TNFRSF21: variants seen among roughly 807,000 people sequenced by gnomAD.
TNFRSF21 encodes tumor necrosis factor receptor superfamily member 21.
Under a neutral mutation model 45.6 loss-of-function variants are expected in TNFRSF21, and 19 were observed. The observed-to-expected ratio is 0.42, with a 90% CI of 0.29 to 0.61. TNFRSF21 has a LOEUF of 0.61. TNFRSF21 is among the 20% of genes least tolerant of loss of function. The pLI is 0.23. For missense variants in TNFRSF21, 737 were observed against 851.5 expected, an observed-to-expected ratio of 0.87 and a Z score of 1.67; for synonymous variants, 314 against 335.5, an observed-to-expected ratio of 0.94 and a Z score of 0.70.
intron 3 of TNFRSF21, among the ~76,000 whole-genome samples, chr6:47,274,668 C>T (rs1762471439): frequency 1.3e-5 from 2 of 152,112 alleles, no homozygotes; most frequent in Non-Finnish European, 2.9e-5. Context: ...AGCTTCTGCA[C>T]AGCAAAAGAA....
intron 3 of TNFRSF21, among the ~76,000 whole-genome samples, chr6:47,281,073 G>A (rs1762560535): frequency 6.6e-6 from 1 of 152,048 alleles, no homozygotes; most frequent in Non-Finnish European, 1.5e-5. Context: ...AGAAAAAAAA[G>A]TATATTATCT....
chr6:47,280,680 G>GT (rs1354996245), intron 3 of TNFRSF21, among the ~76,000 whole-genome samples: 1 of 152,178 alleles, frequency 6.6e-6, no homozygotes, highest in Non-Finnish European at 1.5e-5. Context: ...ATAGGATATT[G>GT]TTTTAAGGAC....
At chr6:47,236,793 A>ATT (rs1764670144) in intron 4 of TNFRSF21, among the ~76,000 whole-genome samples, 1 of 152,218 alleles carries the variant, frequency 6.6e-6, no homozygotes, top group Non-Finnish European at 1.5e-5. Flanking sequence ...TAATTCACTC[A>ATT]GTTAGACTAA....
intron 1 of TNFRSF21, among the ~76,000 whole-genome samples, chr6:47,290,444 T>G (rs1002179922): frequency 6.6e-6 from 1 of 152,176 alleles, no homozygotes; most frequent in Non-Finnish European, 1.5e-5. Context: ...CTTTCTATAC[T>G]TCCCCCGAAA....
At chr6:47,293,106 T>A (rs1282934833) in intron 1 of TNFRSF21, among the ~76,000 whole-genome samples, 3 of 152,220 alleles carry the variant, frequency 2.0e-5, no homozygotes, top group Non-Finnish European at 4.4e-5. Context: ...GAACTCTTCA[T>A]CATATTTCCT....
chr6:47,269,437 C>G (rs577225732), intron 3 of TNFRSF21, among the ~76,000 whole-genome samples: 1 of 152,288 alleles, frequency 6.6e-6, no homozygotes, highest in East Asian at 1.9e-4. Flanking sequence ...AGCTGAATAA[C>G]AAGTCTTTGT....
Position 47,267,922 on chromosome 6 carries a change from T to C in TNFRSF21, c.1244-14401A>G, listed in dbSNP as rs139952392. Among the ~76,000 whole-genome samples, 886 of 152,318 alleles carry C rather than the reference T, an allele frequency of 5.8e-3. 5 individuals are homozygous for C. Among genetic ancestry groups the C allele is most frequent in the Non-Finnish European group, 7.8e-3 (532 of 68,026 alleles). ...TGAATATAAATATCTTGAATATGTC[T>C]CTCCATCAACCCCCACTCCTCATCA... On this transcript the variant is annotated intron_variant, in intron 3 of 5. Coordinates refer to ENST00000296861, the MANE Select transcript of TNFRSF21 (RefSeq NM_014452.5).
At chr6:47,259,328 A>C (rs1180334762) in intron 3 of TNFRSF21, among the ~76,000 whole-genome samples, 1 of 151,770 alleles carries the variant, frequency 6.6e-6, no homozygotes, top group Admixed American at 6.6e-5. Context: ...CACAACCCTC[A>C]ACCCACTGAA....
At chr6:47,290,221 C>T (rs1362942927) in intron 1 of TNFRSF21, among the ~76,000 whole-genome samples, 1 of 152,114 alleles carries the variant, frequency 6.6e-6, no homozygotes, top group African/African-American at 2.4e-5. Context: ...GAGAACTGAA[C>T]CCAAGATCTG....
intron 3 of TNFRSF21, among the ~76,000 whole-genome samples, chr6:47,262,766 G>T (rs1765092019): frequency 6.6e-6 from 1 of 152,140 alleles, no homozygotes; most frequent in Non-Finnish European, 1.5e-5. Context: ...CAGGAAGGCT[G>T]GCATGGCTGG....
At chr6:47,307,440 A>G (rs1360802057) in intron 1 of TNFRSF21, among the ~76,000 whole-genome samples, 1 of 152,134 alleles carries the variant, frequency 6.6e-6, no homozygotes, top group African/African-American at 2.4e-5. Flanking sequence ...GTGCCGTGGC[A>G]TGGTCACAGC....
intron 2 of TNFRSF21, among the ~76,000 whole-genome samples, chr6:47,285,571 C>G (rs1364764858): frequency 2.0e-5 from 3 of 152,140 alleles, no homozygotes; most frequent in African/African-American, 7.2e-5. Context: ...TGTTGGAAAA[C>G]TTTTGATCTG....
Position 47,234,765 on chromosome 6 carries a change from C to G in TNFRSF21, c.1643G>C (p.Gly548Ala). ...GGGCTCCGACTCATCCACGAAGAAG[C>G]CCTTGTTCTTGTCCTGTGGGGAAGG... is the stretch of plus-strand genomic sequence containing the variant. ...VEPSPQDKNK[G>A]FFVDESEPLL... Residue 548 changes from glycine to alanine, a missense_variant, in exon 5 of 6, where the codon GGC becomes GCC. Gly to Ala is a moderately conservative substitution (Grantham distance 60). Coordinates refer to ENST00000296861, the MANE Select transcript of TNFRSF21 (RefSeq NM_014452.5). 1 of 1,608,208 alleles carries G rather than the reference C, an allele frequency of 6.2e-7. No individual in the cohort carries two copies. The highest frequency in any genetic ancestry group is 8.5e-7 in the Non-Finnish European group (1 of 1,177,878).
At chr6:47,234,000 C>CT (rs760355455) in intron 5 of TNFRSF21, among the ~76,000 whole-genome samples, 61 of 151,738 alleles carry the variant, frequency 4.0e-4, no homozygotes, top group Non-Finnish European at 6.8e-4. Context: ...CTGTAGTTTT[C>CT]TTTTTTTTGG....
chr6:47,253,240 A>G lies in TNFRSF21; in HGVS notation c.1509+16T>C. ...AATAGGTCGGTGGTAATGACACACA[A>G]CAAGGGCTCCATTACCTGGGTGGTG... On this transcript the variant is annotated intron_variant, in intron 4 of 5. Coordinates refer to ENST00000296861, the MANE Select transcript of TNFRSF21 (RefSeq NM_014452.5). The G allele has an allele frequency of 6.2e-7, 1 of 1,610,292 alleles. No individual in the cohort carries two copies. The highest frequency in any genetic ancestry group is 2.2e-5 in the East Asian group (1 of 44,824).
Position 47,309,505 on chromosome 6 carries a change from T to C in TNFRSF21, c.7A>G (p.Thr3Ala), listed in dbSNP as rs1175437595. The stretch of plus-strand genomic sequence containing the variant: ...AGGGCGGTGCTGCTGCTCGGAGAGG[T>C]CCCCATGGCTGAACCGGGGACTCGC... MG[T>A]SPSSSTALAS... Residue 3 changes from threonine (T) to alanine (A), a missense_variant, in exon 1 of 6, where the codon ACC becomes GCC. Thr to Ala is a moderately conservative substitution (Grantham distance 58, BLOSUM62 0). Coordinates refer to ENST00000296861, the MANE Select transcript of TNFRSF21 (RefSeq NM_014452.5). The C allele has an allele frequency of 1.4e-6, 2 of 1,475,690 alleles. No homozygotes were observed. The highest frequency in any genetic ancestry group is 1.8e-6 in the Non-Finnish European group (2 of 1,122,674). The allele number at this position is 1,475,690 out of a possible 1,614,324, so 91.4% of individuals were successfully genotyped here.
chr6:47,275,416 A>G (rs1762482816), intron 3 of TNFRSF21, among the ~76,000 whole-genome samples: 1 of 152,054 alleles, frequency 6.6e-6, no homozygotes, highest in Non-Finnish European at 1.5e-5. Context: ...AGAAAACCAA[A>G]CACCGCATGT....
At chr6:47,275,308 T>C (rs1279115453) in intron 3 of TNFRSF21, among the ~76,000 whole-genome samples, 1 of 152,172 alleles carries the variant, frequency 6.6e-6, no homozygotes, top group Admixed American at 6.5e-5. Flanking sequence ...ATATACACCA[T>C]GGAATACTAT....
intron 4 of TNFRSF21, among the ~76,000 whole-genome samples, chr6:47,246,130 T>G (rs1162259702): frequency 6.6e-6 from 1 of 152,204 alleles, no homozygotes; most frequent in Non-Finnish European, 1.5e-5. Flanking sequence ...AATGAGAATA[T>G]ACCCACCTAT....
Sources: allele counts gnomAD v4.1 joint callset (sites outside exome capture counted in the v4.1 genomes callset), GRCh38; gene constraint gnomAD v4.1.1; transcripts MANE v1.5; gene names NCBI Gene and HGNC (gene_info 2026-07-23, HGNC 2026-07-21).